The following BACH2 variants were observed in gnomAD, a reference collection of about 807,000 sequenced individuals.
The protein encoded by BACH2 is BACH transcriptional regulator 2.
BACH2 carries 5 observed loss-of-function variants against 61.8 expected under a neutral mutation model. The ratio of observed to expected loss-of-function variants is 0.08; its 90% confidence interval spans 0.04 to 0.17. The LOEUF (loss-of-function observed/expected upper bound fraction) is 0.17. Ranked by LOEUF, BACH2 falls within the 10% of genes least tolerant of loss-of-function variation. The probability of loss-of-function intolerance (pLI) is 1.00; values close to 1 mark genes in which losing one functional copy is unlikely to be tolerated. For synonymous variants in BACH2, 446 were observed against 440.1 expected, an observed-to-expected ratio of 1.01 and a Z score of -0.17; for missense variants, 824 against 1,091.1, an observed-to-expected ratio of 0.76 and a Z score of 3.45.
chr6:90,042,856 G>T (rs1159786814), intron 5 of BACH2, among the ~76,000 whole-genome samples: 3 of 152,190 alleles, frequency 2.0e-5, no homozygotes, highest in Admixed American at 6.5e-5. Context: ...ATATGGGTCA[G>T]AAGAGATGTA....
chr6:90,013,955 A>AT (rs573131140), intron 5 of BACH2, among the ~76,000 whole-genome samples: 35 of 149,418 alleles, frequency 2.3e-4, no homozygotes, highest in Middle Eastern at 3.5e-3. Flanking sequence ...ATTATTTCTT[A>AT]TTTTTTTTTG....
At chr6:90,067,212 C>T (rs1038354859) in intron 5 of BACH2, among the ~76,000 whole-genome samples, 18 of 152,090 alleles carry the variant, frequency 1.2e-4, no homozygotes, top group African/African-American at 4.1e-4. Context: ...AGGGGAAGGT[C>T]GTTCCAGGAA....
intron 5 of BACH2, among the ~76,000 whole-genome samples, chr6:90,029,073 A>G (rs10455513): frequency 0.25 from 38,709 of 152,114 alleles, 5,559 homozygotes; most frequent in Non-Finnish European, 0.31. Context: ...TTCTTCACGT[A>G]AGTATTTCCT....
chr6:90,226,693 T>C (rs1489026645), intron 3 of BACH2, among the ~76,000 whole-genome samples: 1 of 152,100 alleles, frequency 6.6e-6, no homozygotes, highest in Non-Finnish European at 1.5e-5. Flanking sequence ...CCCAAGTCCT[T>C]AGAATTTTTT....
intron 5 of BACH2, among the ~76,000 whole-genome samples, chr6:90,053,921 A>T (rs1780181840): frequency 6.6e-6 from 1 of 152,136 alleles, no homozygotes; most frequent in African/African-American, 2.4e-5. Flanking sequence ...GTCTGTTTAG[A>T]TACACTGCTT....
chr6:90,019,166 G>T (rs1236355013), intron 5 of BACH2, among the ~76,000 whole-genome samples: 1 of 152,152 alleles, frequency 6.6e-6, no homozygotes, highest in Non-Finnish European at 1.5e-5. Context: ...ACTTGGTGGA[G>T]CATTTAATGT....
chr6:90,123,927 C>T (rs562421603), intron 4 of BACH2, among the ~76,000 whole-genome samples: 31 of 150,684 alleles, frequency 2.1e-4, no homozygotes, highest in Non-Finnish European at 4.0e-4. Flanking sequence ...GACTCTCCTC[C>T]GAATGCAGGC....
chr6:90,051,370 T>C (rs1305848239), intron 5 of BACH2, among the ~76,000 whole-genome samples: 2 of 152,198 alleles, frequency 1.3e-5, no homozygotes, highest in African/African-American at 4.8e-5. Flanking sequence ...AGTACAGGAC[T>C]GGCAAATTAT....
intron 4 of BACH2, among the ~76,000 whole-genome samples, chr6:90,142,990 G>C (rs1784511408): frequency 1.3e-5 from 2 of 152,190 alleles, no homozygotes; most frequent in Admixed American, 6.5e-5. Flanking sequence ...TCACTCTTCT[G>C]GGTGACAGCC....
intron 6 of BACH2, among the ~76,000 whole-genome samples, chr6:89,975,005 C>T (rs368740721): frequency 2.1e-4 from 32 of 152,222 alleles, no homozygotes; most frequent in African/African-American, 7.5e-4. Flanking sequence ...CTGAAAGAGT[C>T]AGCAACAGAA....
intron 6 of BACH2, among the ~76,000 whole-genome samples, chr6:89,969,050 C>CTT (rs76254643): frequency 0.054 from 6,185 of 113,898 alleles, 283 homozygotes; most frequent in Non-Finnish European, 0.079. Context: ...AAAATGTAGT[C>CTT]TTTTTTTTTT....
At chr6:90,106,209 T>C (rs1042279280) in intron 4 of BACH2, among the ~76,000 whole-genome samples, 10 of 152,240 alleles carry the variant, frequency 6.6e-5, no homozygotes, top group African/African-American at 2.4e-4. Flanking sequence ...TCTGGAAAAG[T>C]GGCCACCTCT....
intron 5 of BACH2, among the ~76,000 whole-genome samples, chr6:90,065,205 TG>T (rs1257532699): frequency 1.3e-5 from 2 of 149,662 alleles, no homozygotes; most frequent in African/African-American, 4.9e-5. Context: ...CCTTGAGGCA[TG>T]TCCAGCAGGC....
chr6:89,999,502 T>C (rs962299599), intron 6 of BACH2, among the ~76,000 whole-genome samples: 3 of 151,352 alleles, frequency 2.0e-5, no homozygotes, highest in Non-Finnish European at 4.4e-5. Flanking sequence ...GAAGTAGAAA[T>C]AATTTTGAAA....
intron 4 of BACH2, among the ~76,000 whole-genome samples, chr6:90,132,174 T>C (rs555819550): frequency 6.6e-6 from 1 of 152,036 alleles, no homozygotes; most frequent in Non-Finnish European, 1.5e-5. Context: ...ATCCAAAGAG[T>C]GTAAACCACG....
chr6:90,017,994 T>G (rs558286788), intron 5 of BACH2, among the ~76,000 whole-genome samples: 19 of 152,142 alleles, frequency 1.2e-4, no homozygotes, highest in Non-Finnish European at 2.6e-4. Context: ...GTTTTGCTTT[T>G]GAGATTTGTT....
At chr6:89,991,473 G>A (rs1264399954) in intron 6 of BACH2, among the ~76,000 whole-genome samples, 2 of 151,990 alleles carry the variant, frequency 1.3e-5, no homozygotes, top group Non-Finnish European at 2.9e-5. Context: ...AAGCGTGCAC[G>A]CGCATGCACA....
intron 5 of BACH2, among the ~76,000 whole-genome samples, chr6:90,087,977 AT>A (rs1303952105): frequency 0.015 from 2,148 of 141,930 alleles, 28 homozygotes; most frequent in African/African-American, 0.041. Flanking sequence ...CATTCTTTCT[AT>A]TTTTTTTTTT....
At chr6:89,978,989 A>G (rs1490839650) in intron 6 of BACH2, among the ~76,000 whole-genome samples, 1 of 152,186 alleles carries the variant, frequency 6.6e-6, no homozygotes, top group Non-Finnish European at 1.5e-5. Flanking sequence ...ATTTATACCA[A>G]TCTATAGAGA....
Sources: allele counts gnomAD v4.1 joint callset (sites outside exome capture counted in the v4.1 genomes callset), GRCh38; gene constraint gnomAD v4.1.1; transcripts MANE v1.5; gene names NCBI Gene and HGNC (gene_info 2026-07-23, HGNC 2026-07-21).